Variants in ATP2B1 observed in about 807,000 individuals in gnomAD.
ATP2B1 encodes plasma membrane calcium-transporting ATPase 1.
A neutral mutation model predicts 124.2 loss-of-function variants in ATP2B1; 14 were observed. The ratio of observed to expected loss-of-function variants is 0.11; its 90% CI spans 0.07 to 0.18. The LOEUF is 0.18. ATP2B1 is among the 10% of genes least tolerant of loss of function. The pLI is 1.00. For missense variants in ATP2B1, 763 were observed against 1,466.1 expected (o/e 0.52, Z 7.83); for synonymous variants, 449 against 492.4 (o/e 0.91, Z 1.17).
intron 3 of ATP2B1, among the ~76,000 whole-genome samples, chr12:89,637,085 A>G (rs1328680640): frequency 6.6e-6 from 1 of 152,188 alleles, no homozygotes; most frequent in Non-Finnish European, 1.5e-5. Context: ...CAGCTAACAT[A>G]TTATCCAAGT....
intron 1 of ATP2B1, among the ~76,000 whole-genome samples, chr12:89,708,264 G>A (rs933799610): frequency 3.9e-5 from 6 of 152,268 alleles, no homozygotes; most frequent in African/African-American, 1.2e-4. Context: ...TGGCGCGGCC[G>A]AGGCGGCTTC....
chr12:89,693,614 C>G (rs78886275), intron 1 of ATP2B1, among the ~76,000 whole-genome samples: 5 of 1,266 alleles, frequency 3.9e-3, no homozygotes, highest in Non-Finnish European at 0.019. Flanking sequence ...TAAAAACCTT[C>G]CTTTTCCATC....
chr12:89,627,829 G>A, intron 6 of ATP2B1, 113 bp from the exon 7 acceptor site: 1 of 1,146,358 alleles, frequency 8.7e-7, no homozygotes, highest in Non-Finnish European at 1.3e-6. Context: ...TGGTGTGTGT[G>A]TCTACAGATT....
chr12:89,616,895 T>C lies in ATP2B1; in HGVS notation c.1974A>G (p.Gly658=). The C allele has an allele frequency of 6.2e-7, 1 of 1,614,126 alleles. No homozygotes were observed. The highest frequency in any genetic ancestry group is 8.5e-7 in the Non-Finnish European group (1 of 1,179,980). ...CATTATCCCACTCTGGTTCTGGTTCTCCTGCTGGAAAATCTCTGAATGCAA... is the reference window on the plus strand; with the variant it reads ...CATTATCCCACTCTGGTTCTGGTTCCCCTGCTGGAAAATCTCTGAATGCAA... The part of the protein sequence containing the change: ...ICLAFRDFPA[G]EPEPEWDNEN... The change falls in exon 12 of 21, where the codon GGA becomes GGG. Residue 658 remains glycine, a synonymous_variant. Transcript: ENST00000428670.
Position 89,626,598 on chromosome 12 carries a change from C to T in ATP2B1, c.985G>A (p.Ala329Thr), listed in dbSNP as rs1464050065. 1 of 1,608,542 alleles carries T rather than the reference C, an allele frequency of 6.2e-7. No individual in the cohort carries two copies. The change falls in exon 8 of 21, where the codon GCA (alanine) becomes ACA (threonine). Residue 329 changes from alanine to threonine, a missense_variant. Coordinates refer to ENST00000428670, the MANE Select transcript of ATP2B1 (RefSeq NM_001366521.1). The stretch of plus-strand genomic sequence containing the variant: ...TTCAATGGCTGCATTTCCATGGCTG[C>T]ACCATCCTGGGCTTTTGCTACATTT... ...NRNKAKAQDG[A>T]AMEMQPLKSE...
rs376575805 is a variant in ATP2B1 at position 89,610,013 on chromosome 12, C to T, written c.2366G>A (p.Arg789His). 21 of 1,613,642 alleles carry T rather than the reference C, an allele frequency of 1.3e-5. No homozygotes were observed. The highest frequency in any genetic ancestry group is 6.7e-5 in the Admixed American group (4 of 59,982). ...GIIDSTVSDQ[R>H]QVVAVTGDGT... is the part of the protein sequence containing the mutation. ...ATCACCAGTTACAGCTACAACCTGG[C>T]GTTGGTCTGAGACAGTGCTGTCAAT... Residue 789 changes from arginine (R) to histidine (H), a missense_variant, in exon 15 of 21, where the codon CGC becomes CAC. Transcript: ENST00000428670.
chr12:89,680,738 A>G (rs1033970212), intron 1 of ATP2B1, among the ~76,000 whole-genome samples: 1 of 152,158 alleles, frequency 6.6e-6, no homozygotes, highest in Non-Finnish European at 1.5e-5. Flanking sequence ...GAAAGGGTCC[A>G]CTGTATATCC....
At chr12:89,604,423 T>C in intron 15 of ATP2B1, 77 bp from the exon 16 acceptor site, 1 of 1,173,602 alleles carries the variant, frequency 8.5e-7, no homozygotes, top group Non-Finnish European at 1.2e-6. Flanking sequence ...ACACACTTAA[T>C]AAACAAAAAG....
chr12:89,681,949 T>C (rs1223853378), intron 1 of ATP2B1, among the ~76,000 whole-genome samples: 1 of 151,870 alleles, frequency 6.6e-6, no homozygotes, highest in Non-Finnish European at 1.5e-5. Flanking sequence ...AACATAAGAA[T>C]TAGGAAGGAA....
At position 89,620,201 on chromosome 12, in the gene ATP2B1, T is replaced by C; in HGVS notation, c.1627A>G (p.Asn543Asp). 3.1e-6 allele frequency: 5 copies of C among 1,614,106 alleles called. No homozygotes were observed. The highest frequency in any genetic ancestry group is 3.4e-6 in the Non-Finnish European group (4 of 1,179,978). ...KEGGLPRHVG[N>D]KTECALLGLL... ...CCCAACAAGGCACATTCAGTTTTAT[T>C]ACCAACGTGACGAGGTAATCCACCC... Residue 543 changes from asparagine to aspartate, a missense_variant, in exon 11 of 21, where the codon AAT becomes GAT. Coordinates refer to ENST00000428670, the MANE Select transcript of ATP2B1 (RefSeq NM_001366521.1).
chr12:89,688,813 C>T (rs1394662212), intron 1 of ATP2B1, among the ~76,000 whole-genome samples: 4 of 152,024 alleles, frequency 2.6e-5, no homozygotes, highest in Non-Finnish European at 4.4e-5. Context: ...GTTTTCAAAG[C>T]ACTTTTCTAG....
chr12:89,600,261 G>C (rs1412220342), intron 19 of ATP2B1, among the ~76,000 whole-genome samples: 1 of 152,154 alleles, frequency 6.6e-6, no homozygotes, highest in Non-Finnish European at 1.5e-5. Flanking sequence ...TGAAAGTCTG[G>C]TTTCACTGAT....
chr12:89,651,806 G>A (rs1229236501), intron 2 of ATP2B1, among the ~76,000 whole-genome samples: 2 of 152,142 alleles, frequency 1.3e-5, no homozygotes, highest in African/African-American at 2.4e-5. Context: ...AATAAGACTG[G>A]AGCCAGAGTG....
chr12:89,691,865 G>A (rs1890594408), intron 1 of ATP2B1, among the ~76,000 whole-genome samples: 1 of 152,044 alleles, frequency 6.6e-6, no homozygotes. Flanking sequence ...CTATAATTAA[G>A]AAGTAACACT....
intron 1 of ATP2B1, among the ~76,000 whole-genome samples, chr12:89,689,675 A>G (rs1890337964): frequency 6.6e-6 from 1 of 152,096 alleles, no homozygotes; most frequent in South Asian, 2.1e-4. Context: ...TCTATTTGTT[A>G]ACTTGCTATA....
At chr12:89,693,878 A>G (rs1398830209) in intron 1 of ATP2B1, among the ~76,000 whole-genome samples, 1 of 152,198 alleles carries the variant, frequency 6.6e-6, no homozygotes, top group African/African-American at 2.4e-5. Context: ...TTTGTTTTAC[A>G]TGGTTCAGGA....
intron 1 of ATP2B1, among the ~76,000 whole-genome samples, chr12:89,664,610 C>G (rs1344190120): frequency 6.6e-6 from 1 of 152,178 alleles, no homozygotes; most frequent in African/African-American, 2.4e-5. Flanking sequence ...TCAGAATCAC[C>G]TCAATCACCT....
intron 2 of ATP2B1, among the ~76,000 whole-genome samples, chr12:89,643,487 G>T (rs1249451017): frequency 2.6e-5 from 4 of 152,054 alleles, no homozygotes; most frequent in African/African-American, 9.7e-5. Context: ...AGTAATAGGT[G>T]GTGCTATTGA....
intron 1 of ATP2B1, among the ~76,000 whole-genome samples, chr12:89,685,411 C>T (rs949918250): frequency 6.6e-6 from 1 of 152,164 alleles, no homozygotes; most frequent in South Asian, 2.1e-4. Context: ...CCCCCATCCT[C>T]AGGACAGTTT....
Sources: allele counts gnomAD v4.1 joint callset (sites outside exome capture counted in the v4.1 genomes callset), GRCh38; gene constraint gnomAD v4.1.1; transcripts MANE v1.5; gene names NCBI Gene and HGNC (gene_info 2026-07-23, HGNC 2026-07-21).